MELTF: variants seen among roughly 807,000 people sequenced by gnomAD.
MELTF encodes melanotransferrin, also known as antigen p97 (melanoma associated) identified by monoclonal antibodies 133.2 and 96.5.
MELTF carries 67 observed loss-of-function variants against 83.7 expected under a neutral mutation model. That is an observed-to-expected ratio of 0.80 (90% confidence interval 0.66 to 0.98). MELTF has a LOEUF of 0.98. MELTF is among the 50% of genes least tolerant of loss of function. The pLI, the probability that MELTF is intolerant of heterozygous loss-of-function variation, is 0.00. For synonymous variants in MELTF, 462 were observed against 447.6 expected, an observed-to-expected ratio of 1.03 and a Z score of -0.41; for missense variants, 1,002 against 1,035.6, an observed-to-expected ratio of 0.97 and a Z score of 0.44.
rs1719123490 is a variant in MELTF, at chr3:197,009,822, G to A, written c.1331-10C>T. On this transcript the variant is annotated splice_polypyrimidine_tract_variant and intron_variant, in intron 10 of 15. Transcript: ENST00000296350. ...TTGCTGCTGTCTTCCGCTGGGGAGA[G>A]AGGGACTCACGTGAGGGGCCCCTCA... 2 of 1,604,284 alleles carry A rather than the reference G, an allele frequency of 1.2e-6. No homozygotes were observed. Among genetic ancestry groups the A allele is most frequent in the Non-Finnish European group, 1.7e-6 (2 of 1,172,736 alleles).
rs775342292 is a variant in MELTF, at chr3:197,009,714, G to C, written c.1429C>G (p.His477Asp). 16 of 1,613,578 alleles carry C rather than the reference G, an allele frequency of 9.9e-6. No homozygotes were observed. Among genetic ancestry groups the C allele is most frequent in the Non-Finnish European group, 1.3e-5 (15 of 1,180,054 alleles). ...CCTGCAGGGCTGCCGAAACCGGCGT[G>C]GCAGGAGCGCTTGCCCCGAAGCTCA... The part of the protein sequence containing the change: ...LDELRGKRSC[H>D]AGFGSPAGWD... The change falls in exon 11 of 16, where the codon CAC becomes GAC. Residue 477 changes from histidine (H) to aspartate (D), a missense_variant. His to Asp is a moderately conservative substitution (Grantham distance 81). Transcript: ENST00000296350.
At position 197,029,608 on chromosome 3, in the gene MELTF, G is replaced by GC. The variant is rs1164669927; in HGVS notation, c.49+45dup. On this transcript the variant is annotated intron_variant, in intron 1 of 15. Transcript: ENST00000296350. This position sits in a 1 kb window ranked among gnomAD's most constrained non-coding sequence, Gnocchi z 6.5. ...GGGACCTGCTCAGCCGGGCCGCGGCGCCCCGGGACCCCCGCCCGCCTTTGG... is the reference window on the plus strand; with the variant it reads ...GGGACCTGCTCAGCCGGGCCGCGGCGCCCCCGGGACCCCCGCCCGCCTTTGG... 1 of 1,234,742 alleles carries GC rather than the reference G, an allele frequency of 8.1e-7. No individual in the cohort carries two copies. Among genetic ancestry groups the GC allele is most frequent in the Admixed American group, 4.2e-5 (1 of 23,704 alleles). 76.5% of individuals were successfully genotyped at this position (1,234,742 alleles called of 1,614,324 possible). A position where few individuals can be genotyped will look rare whatever the true frequency, so the allele number is the denominator to read the frequency against.
rs4916599 is a variant in MELTF at position 197,029,300 on chromosome 3, C to T, written c.49+354G>A. The T allele has an allele frequency of 0.72, 170,623 of 238,232 alleles. 61,897 individuals carry two copies. The highest frequency in any genetic ancestry group is 0.82 in the East Asian group (10,705 of 13,000). 14.8% of individuals were successfully genotyped at this position (238,232 alleles called of 1,614,324 possible). ...GGGGGCTCGGGAGAAAGAGCTGCTCCGAGCCCCCAAAGTCTTCCTGAGTTC... is the reference window on the plus strand; with the variant it reads ...GGGGGCTCGGGAGAAAGAGCTGCTCTGAGCCCCCAAAGTCTTCCTGAGTTC... On this transcript the variant is annotated intron_variant, in intron 1 of 15. Transcript: ENST00000296350. The surrounding 1 kb of genome is among the most constrained non-coding windows in gnomAD (Gnocchi z 6.5).
chr3:197,025,207 G>A lies in MELTF; in HGVS notation c.305-722C>T, dbSNP rs184500182. On this transcript the variant is annotated intron_variant, in intron 3 of 15. Transcript: ENST00000296350. Reference sequence around the variant, plus strand: ...TCTCCCATCGCACGGGCGCACACACGCAGGCATGCACGCGTGCACAAACTG... The same window carrying A: ...TCTCCCATCGCACGGGCGCACACACACAGGCATGCACGCGTGCACAAACTG... Among the ~76,000 whole-genome samples, 18 of 152,350 alleles carry A rather than the reference G, an allele frequency of 1.2e-4. 1 individual carries two copies. The highest frequency in any genetic ancestry group is 3.9e-4 in the Admixed American group (6 of 15,306).
chr3:197,005,275 G>C (rs577013899), intron 14 of MELTF, among the ~76,000 whole-genome samples: 1 of 152,248 alleles, frequency 6.6e-6, no homozygotes, highest in African/African-American at 2.4e-5. Flanking sequence ...CGAGGAAATG[G>C]AAAAGCTAAA....
intron 6 of MELTF, 192 bp downstream of exon 6, chr3:197,021,212 A>C (rs1577941973): frequency 1.7e-6 from 1 of 585,310 alleles, no homozygotes; most frequent in South Asian, 2.2e-5. Flanking sequence ...CACTGGTGAC[A>C]CCTGCCTCTG....
Position 197,022,879 on chromosome 3 carries a change from G to T in MELTF, c.644+78C>A. On this transcript the variant is annotated intron_variant, in intron 5 of 15. Transcript: ENST00000296350. The surrounding 1 kb of genome is among the most constrained non-coding windows in gnomAD (Gnocchi z 5.1). Reference sequence around the variant, plus strand: ...CTTCCCCCTCCACGGCCCTCTCTGGGCAAAGGTGTTTTTCCCCAGCATTTG... The same window carrying T: ...CTTCCCCCTCCACGGCCCTCTCTGGTCAAAGGTGTTTTTCCCCAGCATTTG... The T allele has an allele frequency of 1.4e-6, 2 of 1,416,526 alleles. No individual in the cohort carries two copies. The highest frequency in any genetic ancestry group is 9.6e-7 in the Non-Finnish European group (1 of 1,037,852). 87.7% of individuals were successfully genotyped at this position (1,416,526 alleles called of 1,614,324 possible). A position where few individuals can be genotyped will look rare whatever the true frequency, so the allele number is the denominator to read the frequency against.
At chr3:197,026,593 C>T in intron 3 of MELTF, 67 bp downstream of exon 3, 1 of 1,466,462 alleles carries the variant, frequency 6.8e-7, no homozygotes, top group South Asian at 1.1e-5. Context: ...CCAGGCCCAG[C>T]AAGGGCAGCC....
intron 3 of MELTF, among the ~76,000 whole-genome samples, chr3:197,025,253 T>C (rs1294385513): frequency 2.6e-5 from 4 of 152,196 alleles, no homozygotes; most frequent in Non-Finnish European, 5.9e-5. Context: ...TGGGAGGCCA[T>C]ATCAGAATGA....
Position 197,015,365 on chromosome 3 carries a change from C to T in MELTF, c.1233G>A (p.Gln411=), listed in dbSNP as rs1168881261. The T allele has an allele frequency of 1.3e-6, 2 of 1,555,902 alleles. No individual in the cohort carries two copies. The highest frequency in any genetic ancestry group is 4.8e-5 in the East Asian group (2 of 41,274). Reference sequence around the variant, plus strand: ...CACGCTGCACCTGCGTGACTCCCACCTGGATCCGCTCCATGCAGTGTTGGG... The same window carrying T: ...CACGCTGCACCTGCGTGACTCCCACTTGGATCCGCTCCATGCAGTGTTGGG... ...KSPQHCMERI[Q]AEQVDAVTLS... Residue 411 remains glutamine (Q), a splice_region_variant and synonymous_variant, in exon 9 of 16, where the codon CAG becomes CAA. Coordinates refer to ENST00000296350, the MANE Select transcript of MELTF (RefSeq NM_005929.6).
chr3:197,013,032 T>A (rs1425251218), intron 9 of MELTF, among the ~76,000 whole-genome samples: 1 of 152,156 alleles, frequency 6.6e-6, no homozygotes, highest in Non-Finnish European at 1.5e-5. Flanking sequence ...AATGCTGAAC[T>A]TCCCTATGAA....
Position 197,003,794 on chromosome 3 carries a change from G to T in MELTF, c.2137+107C>A. The T allele has an allele frequency of 1.6e-6, 2 of 1,214,830 alleles. No homozygotes were observed. The highest frequency in any genetic ancestry group is 2.3e-6 in the Non-Finnish European group (2 of 867,098). 75.3% of individuals were successfully genotyped at this position (1,214,830 alleles called of 1,614,324 possible). A position where few individuals can be genotyped will look rare whatever the true frequency, so the allele number is the denominator to read the frequency against. On this transcript the variant is annotated intron_variant, in intron 15 of 15. Coordinates refer to ENST00000296350, the MANE Select transcript of MELTF (RefSeq NM_005929.6). This position sits in a 1 kb window ranked among gnomAD's most constrained non-coding sequence, Gnocchi z 6.2. The stretch of plus-strand genomic sequence containing the variant: ...ACCCCACCTGGACTGCTGCGAACGG[G>T]CCTCCACCCGCCTCCCCGGACCCGC...
In MELTF at chr3:197,006,840, G is replaced by T; in HGVS notation, c.1751-104C>A. On this transcript the variant is annotated intron_variant, in intron 13 of 15. Transcript: ENST00000296350. This position sits in a 1 kb window ranked among gnomAD's most constrained non-coding sequence, Gnocchi z 5.4. ...CCCAAGGCCTTCACCACAGGGAGGT[G>T]GCAACATCTGGCCAGCTCCCCAACC... is the stretch of plus-strand genomic sequence containing the variant. 1.9e-6 allele frequency: 2 copies of T among 1,071,798 alleles called. No individual in the cohort carries two copies. Among genetic ancestry groups the T allele is most frequent in the East Asian group, 3.1e-5 (1 of 32,312 alleles). 66.4% of individuals were successfully genotyped at this position (1,071,798 alleles called of 1,614,324 possible). A position where few individuals can be genotyped will look rare whatever the true frequency, so the allele number is the denominator to read the frequency against.
Position 197,009,741 on chromosome 3 carries a change from C to T in MELTF, c.1402G>A (p.Asp468Asn). 6.2e-7 allele frequency: 1 copy of T among 1,613,624 alleles called. No homozygotes were observed. Residue 468 changes from aspartate to asparagine, a missense_variant, in exon 11 of 16, where the codon GAT (aspartate) becomes AAT (asparagine). By Grantham distance (23) the Asp-to-Asn change is conservative. Coordinates refer to ENST00000296350, the MANE Select transcript of MELTF (RefSeq NM_005929.6). ...CAGGAGCGCTTGCCCCGAAGCTCATCCAAGGTGAAGGCGTGGGAGCTGTCC... is the reference window on the plus strand; with the variant it reads ...CAGGAGCGCTTGCCCCGAAGCTCATTCAAGGTGAAGGCGTGGGAGCTGTCC... ...RRDSSHAFTLDELRGKRSCHA... is the reference protein window; with the variant it reads ...RRDSSHAFTLNELRGKRSCHA...
rs1306746083 is a variant in MELTF, at chr3:197,022,940, GC to G, written c.644+16del. 6.3e-7 allele frequency: 1 copy of G among 1,596,358 alleles called. No individual in the cohort carries two copies. Among genetic ancestry groups the G allele is most frequent in the Non-Finnish European group, 8.5e-7 (1 of 1,172,414 alleles). ...TCCTCCCTGCCCTCGGCCCCTCCCT[GC>G]CCCCACTCCGCTCACCGGAAGGCCC... On this transcript the variant is annotated intron_variant, in intron 5 of 15. Coordinates refer to ENST00000296350, the MANE Select transcript of MELTF (RefSeq NM_005929.6). The surrounding 1 kb of genome is among the most constrained non-coding windows in gnomAD (Gnocchi z 5.1).
In MELTF at chr3:197,008,219, G is replaced by C. The variant is rs552722578; in HGVS notation, c.1750+438C>G. Reference sequence around the variant, plus strand: ...TGTTGGGCGTGCCCTGCCTCGGTGTGGCTTGGGGGCTGCAGAGAGATTTCC... The same window carrying C: ...TGTTGGGCGTGCCCTGCCTCGGTGTCGCTTGGGGGCTGCAGAGAGATTTCC... On this transcript the variant is annotated intron_variant, in intron 13 of 15. Coordinates refer to ENST00000296350, the MANE Select transcript of MELTF (RefSeq NM_005929.6). The surrounding 1 kb of genome is among the most constrained non-coding windows in gnomAD (Gnocchi z 5.4). Among the ~76,000 whole-genome samples the C allele has an allele frequency of 3.6e-3, 546 of 152,314 alleles. 4 individuals carry two copies. The highest frequency in any genetic ancestry group is 0.021 in the South Asian group (99 of 4,826).
intron 9 of MELTF, among the ~76,000 whole-genome samples, chr3:197,012,160 A>G (rs1577931677): frequency 6.6e-6 from 1 of 151,950 alleles, no homozygotes; most frequent in African/African-American, 2.4e-5. Context: ...GGGCCTGGGC[A>G]CTCCTTGGCC....
At chr3:197,017,672 T>C (rs1035234459) in intron 6 of MELTF, among the ~76,000 whole-genome samples, 1 of 151,468 alleles carries the variant, frequency 6.6e-6, no homozygotes, top group African/African-American at 2.4e-5. Context: ...GGTCAGGAGA[T>C]CAAGACCATC....
intron 14 of MELTF, 46 bp from the exon 15 acceptor site, chr3:197,004,145 C>T (rs991832769): frequency 8.2e-6 from 13 of 1,588,988 alleles, no homozygotes; most frequent in Non-Finnish European, 7.8e-6. Context: ...TGGGCTCAGG[C>T]AGGGTCACCC....
Sources: gnomAD v4.1 joint callset for allele counts (sites outside exome capture counted in the v4.1 genomes callset) on GRCh38, gnomAD v4.1.1 for gene constraint, Gnocchi (gnomAD v3.1) non-coding constraint, MANE v1.5 for transcripts, NCBI Gene and HGNC (gene_info 2026-07-23, HGNC 2026-07-21) for gene names.